The following STXBP5L variants were observed in gnomAD, a reference collection of about 807,000 sequenced individuals.
The protein encoded by STXBP5L is syntaxin binding protein 5L, also known as syntaxin-binding protein 5-like.
In STXBP5L, 65 loss-of-function variants were observed where a neutral mutation model predicts 144.5. The ratio of observed to expected loss-of-function variants is 0.45; its 90% CI spans 0.37 to 0.55. STXBP5L has a LOEUF of 0.55. Among genes scored for constraint, STXBP5L ranks in the 20% least tolerant of loss-of-function variants. The pLI, the probability that STXBP5L is intolerant of heterozygous loss-of-function variation, is 0.00. For missense variants in STXBP5L, 1,298 were observed against 1,405.5 expected, an observed-to-expected ratio of 0.92 and a Z score of 1.22; for synonymous variants, 505 against 469.6, an observed-to-expected ratio of 1.08 and a Z score of -0.97.
intron 5 of STXBP5L, among the ~76,000 whole-genome samples, chr3:121,093,409 T>C (rs543975277): frequency 9.4e-4 from 143 of 152,300 alleles, no homozygotes; most frequent in African/African-American, 3.3e-3. Flanking sequence ...TCCTGGACTC[T>C]TTTTGGTTGG....
intron 5 of STXBP5L, chr3:121,049,620 G>A (rs1253785579): frequency 6.5e-6 from 1 of 154,402 alleles, no homozygotes; most frequent in Admixed American, 6.5e-5. Context: ...TAGGGCTGTG[G>A]TGGTCTCACT....
chr3:121,372,098 G>A (rs1258965335), intron 20 of STXBP5L, among the ~76,000 whole-genome samples: 3 of 152,140 alleles, frequency 2.0e-5, no homozygotes, highest in Non-Finnish European at 4.4e-5. Flanking sequence ...TCAGTGTGGT[G>A]CAGGCAGGGG....
intron 20 of STXBP5L, among the ~76,000 whole-genome samples, chr3:121,363,440 G>A (rs536958601): frequency 2.0e-5 from 3 of 152,280 alleles, no homozygotes; most frequent in Non-Finnish European, 4.4e-5. Flanking sequence ...TGCTGGGATT[G>A]GCAGTTCCCC....
At chr3:121,329,761 G>A (rs1002723765) in intron 20 of STXBP5L, among the ~76,000 whole-genome samples, 2 of 152,120 alleles carry the variant, frequency 1.3e-5, no homozygotes, top group Non-Finnish European at 2.9e-5. Flanking sequence ...ACGGGAGGCT[G>A]AGGCAGGAGA....
At chr3:120,989,196 T>C (rs1174195488) in intron 3 of STXBP5L, among the ~76,000 whole-genome samples, 1 of 152,190 alleles carries the variant, frequency 6.6e-6, no homozygotes, top group Non-Finnish European at 1.5e-5. Flanking sequence ...GTGGGATTGC[T>C]GAGTCAACTG....
chr3:120,955,163 G>T lies in STXBP5L; in HGVS notation c.287+126G>T, dbSNP rs1192694363. 4 of 681,546 alleles carry T rather than the reference G, an allele frequency of 5.9e-6. No individual in the cohort carries two copies. The Admixed American group carries it at 9.3e-5, about 16-fold the overall frequency. 42.2% of individuals were successfully genotyped at this position (681,546 alleles called of 1,614,324 possible). On this transcript the variant is annotated intron_variant, in intron 3 of 26. Coordinates refer to ENST00000471454, the MANE Select transcript of STXBP5L (RefSeq NM_001308330.2). The stretch of plus-strand genomic sequence containing the variant: ...ATTTTTTAAGAAATGAGTAACTATT[G>T]TGAAAAATCTGCACTTTCAAATTTA...
At chr3:121,210,624 G>A (rs2108252206) in intron 10 of STXBP5L, among the ~76,000 whole-genome samples, 1 of 152,264 alleles carries the variant, frequency 6.6e-6, no homozygotes, top group Non-Finnish European at 1.5e-5. Flanking sequence ...GTGAGTAAGG[G>A]ATCCAGTTTC....
At chr3:121,104,629 CAAA>C (rs921990856) in intron 5 of STXBP5L, among the ~76,000 whole-genome samples, 9 of 152,154 alleles carry the variant, frequency 5.9e-5, no homozygotes, top group Admixed American at 5.9e-4. Context: ...ACAAACCAAA[CAAA>C]AACATAAAGT....
At chr3:121,170,811 AAAAG>A (rs2046683622) in intron 9 of STXBP5L, among the ~76,000 whole-genome samples, 1 of 152,216 alleles carries the variant, frequency 6.6e-6, no homozygotes, top group Non-Finnish European at 1.5e-5. Context: ...AAACAATAGA[AAAAG>A]AGGGAATCCT....
At chr3:120,996,329 AATTT>A (rs1314162904) in intron 3 of STXBP5L, among the ~76,000 whole-genome samples, 8 of 151,880 alleles carry the variant, frequency 5.3e-5, no homozygotes, top group African/African-American at 1.9e-4. Context: ...AGTTATTTTT[AATTT>A]AAAAATTTAA....
rs538442564 is a variant in STXBP5L at position 120,960,678 on chromosome 3, C to T, written c.287+5641C>T. Among the ~76,000 whole-genome samples, 43 of 151,510 alleles carry T rather than the reference C, an allele frequency of 2.8e-4. 1 individual carries two copies. In the South Asian group the frequency reaches 5.6e-3, roughly 20 times the overall value. On this transcript the variant is annotated intron_variant, in intron 3 of 26. Coordinates refer to ENST00000471454, the MANE Select transcript of STXBP5L (RefSeq NM_001308330.2). ...GCAAGGACAGAAAAACCAAATACCG[C>T]GTGTTCTCACTCATAGGTGGGAATT...
Position 121,337,356 on chromosome 3 carries a change from G to T in STXBP5L, c.2176+18816G>T, listed in dbSNP as rs905246979. ...AACTCGAGGTAAAGGGGTGGAAAAA[G>T]ATATTCCATGCCAATATAAGAAAAA... On this transcript the variant is annotated intron_variant, in intron 20 of 26. Coordinates refer to ENST00000471454, the MANE Select transcript of STXBP5L (RefSeq NM_001308330.2). Among the ~76,000 whole-genome samples the T allele has an allele frequency of 1.4e-4, 20 of 139,624 alleles. No homozygotes were observed. In the Admixed American group the frequency reaches 1.5e-3, roughly 11 times the overall value. 91.6% of individuals were successfully genotyped at this position (139,624 alleles called of 152,430 possible).
chr3:120,990,220 A>T (rs1942704200), intron 3 of STXBP5L, among the ~76,000 whole-genome samples: 1 of 152,180 alleles, frequency 6.6e-6, no homozygotes, highest in Non-Finnish European at 1.5e-5. Context: ...TGCTTCAAAG[A>T]GAATAAAATC....
At chr3:121,007,702 A>C (rs936302973) in intron 3 of STXBP5L, among the ~76,000 whole-genome samples, 1 of 152,042 alleles carries the variant, frequency 6.6e-6, no homozygotes, top group Non-Finnish European at 1.5e-5. Flanking sequence ...CAGAATGAGC[A>C]TCAGTGGTTA....
intron 20 of STXBP5L, among the ~76,000 whole-genome samples, chr3:121,376,459 G>T (rs1027476294): frequency 6.6e-6 from 1 of 152,056 alleles, no homozygotes; most frequent in Non-Finnish European, 1.5e-5. Context: ...ACGGCTAGCC[G>T]GTTTTCCCAG....
chr3:121,148,576 T>C (rs1003322899), intron 7 of STXBP5L, among the ~76,000 whole-genome samples: 7 of 152,078 alleles, frequency 4.6e-5, no homozygotes, highest in African/African-American at 7.2e-5. Context: ...GAGACAAAGA[T>C]GGCTATGATT....
intron 19 of STXBP5L, among the ~76,000 whole-genome samples, chr3:121,285,818 C>T (rs992012883): frequency 1.3e-5 from 2 of 152,032 alleles, no homozygotes; most frequent in Admixed American, 1.3e-4. Context: ...ATTTCTACCT[C>T]CCTTAGAGAG....
intron 19 of STXBP5L, among the ~76,000 whole-genome samples, chr3:121,303,205 C>A (rs1202625083): frequency 2.0e-5 from 3 of 151,932 alleles, no homozygotes; most frequent in East Asian, 1.9e-4. Context: ...ACCCCATCAA[C>A]AAGTGGGCAA....
chr3:120,970,499 T>C (rs999334862), intron 3 of STXBP5L, among the ~76,000 whole-genome samples: 24 of 152,298 alleles, frequency 1.6e-4, no homozygotes, highest in African/African-American at 4.6e-4. Flanking sequence ...TAACATCCCA[T>C]TATCATCTGG....
Sources: allele counts gnomAD v4.1 joint callset (sites outside exome capture counted in the v4.1 genomes callset), GRCh38; gene constraint gnomAD v4.1.1; transcripts MANE v1.5; gene names NCBI Gene and HGNC (gene_info 2026-07-23, HGNC 2026-07-21).